The following SPIDR variants were observed in gnomAD, a reference collection of about 807,000 sequenced individuals.
SPIDR encodes the protein DNA repair-scaffolding protein.
In SPIDR, 93 loss-of-function variants were observed where a neutral mutation model predicts 104.6. The observed-to-expected ratio is 0.89, with a 90% CI of 0.75 to 1.06. SPIDR has a LOEUF of 1.06. Ranked by LOEUF, SPIDR falls within the 50% of genes least tolerant of loss-of-function variation. SPIDR has a pLI of 0.00. For synonymous variants in SPIDR, 431 were observed against 416.9 expected, an observed-to-expected ratio of 1.03 and a Z score of -0.41; for missense variants, 1,154 against 1,111.2, an observed-to-expected ratio of 1.04 and a Z score of -0.55.
intron 10 of SPIDR, among the ~76,000 whole-genome samples, chr8:47,671,585 A>AAAAT (rs60133278): frequency 0.39 from 56,293 of 142,532 alleles, 12,410 homozygotes; most frequent in Non-Finnish European, 0.49. Flanking sequence ...ACTCCATCTC[A>AAAAT]AAATAAATAA....
At chr8:47,283,192 C>G (rs2038157050) in intron 2 of SPIDR, among the ~76,000 whole-genome samples, 1 of 152,158 alleles carries the variant, frequency 6.6e-6, no homozygotes. Flanking sequence ...AGACATTCAG[C>G]TCTTCCTTTG....
chr8:47,462,543 T>C (rs2074115361), intron 8 of SPIDR, among the ~76,000 whole-genome samples: 1 of 152,158 alleles, frequency 6.6e-6, no homozygotes, highest in Admixed American at 6.5e-5. Context: ...GAAAACATAA[T>C]GTACTAAAAC....
At chr8:47,709,760 A>G (rs1359672715) in intron 14 of SPIDR, among the ~76,000 whole-genome samples, 1 of 152,204 alleles carries the variant, frequency 6.6e-6, no homozygotes, top group African/African-American at 2.4e-5. Flanking sequence ...ATATTAATAG[A>G]TTGAAAGAGA....
intron 10 of SPIDR, among the ~76,000 whole-genome samples, chr8:47,668,604 T>C (rs1480105463): frequency 6.6e-6 from 1 of 152,110 alleles, no homozygotes; most frequent in Non-Finnish European, 1.5e-5. Context: ...AGACTTTTTC[T>C]TTAAAGCTGG....
chr8:47,531,491 A>G (rs1004108795), intron 8 of SPIDR, among the ~76,000 whole-genome samples: 4 of 152,234 alleles, frequency 2.6e-5, no homozygotes, highest in African/African-American at 7.2e-5. Flanking sequence ...AGATTTGCTT[A>G]TAAGCAGAGA....
chr8:47,336,735 A>T (rs2049833998), intron 5 of SPIDR, among the ~76,000 whole-genome samples: 1 of 152,212 alleles, frequency 6.6e-6, no homozygotes, highest in Non-Finnish European at 1.5e-5. Context: ...GTATTAAAAA[A>T]CTGTGGGACT....
intron 8 of SPIDR, among the ~76,000 whole-genome samples, chr8:47,541,878 C>T (rs183792826): frequency 1.3e-5 from 2 of 152,190 alleles, no homozygotes; most frequent in East Asian, 3.9e-4. Context: ...CTGCAGTGAG[C>T]CGAGATTGCG....
chr8:47,522,491 A>G (rs1467602349), intron 8 of SPIDR, among the ~76,000 whole-genome samples: 1 of 152,184 alleles, frequency 6.6e-6, no homozygotes, highest in Admixed American at 6.5e-5. Flanking sequence ...GGAAATGGGA[A>G]GGGCCTGTGA....
At position 47,422,655 on chromosome 8, in the gene SPIDR, G is replaced by A. The variant is rs569105324; in HGVS notation, c.877+14694G>A. On this transcript the variant is annotated intron_variant, in intron 7 of 19. Transcript: ENST00000297423. ...TGACCATCCCCAGTGAGGTGAACCC[G>A]GTACCTCAGTTGGAAATGCAGAAAT... is the stretch of plus-strand genomic sequence containing the variant. 7.9e-5 allele frequency among the ~76,000 whole-genome samples: 12 copies of A among 152,280 alleles called. No homozygotes were observed. In the South Asian group the frequency reaches 1.9e-3, roughly 24 times the overall value.
intron 10 of SPIDR, among the ~76,000 whole-genome samples, chr8:47,603,720 T>G (rs1212926617): frequency 3.3e-5 from 5 of 152,150 alleles, no homozygotes; most frequent in South Asian, 2.1e-4. Flanking sequence ...CTCTGTCCTT[T>G]AGAGATGCAA....
intron 7 of SPIDR, among the ~76,000 whole-genome samples, chr8:47,438,717 C>T (rs1554694181): frequency 1.3e-5 from 2 of 149,422 alleles, no homozygotes; most frequent in Non-Finnish European, 2.9e-5. Flanking sequence ...AAATAGTTGT[C>T]CAAGACAGTG....
Position 47,712,875 on chromosome 8 carries a change from G to A in SPIDR, c.2188+3G>A, listed in dbSNP as rs746569942. The stretch of plus-strand genomic sequence containing the variant: ...CAAGGACGCTCTCCGTGACCAGGGT[G>A]TGCTTGCGTCTCCACAGCTTTGATG... On this transcript the variant is annotated splice_donor_region_variant and intron_variant, in intron 15 of 19. Coordinates refer to ENST00000297423, the MANE Select transcript of SPIDR (RefSeq NM_001080394.4). 1.2e-6 allele frequency: 2 copies of A among 1,613,912 alleles called. No individual in the cohort carries two copies. The highest frequency in any genetic ancestry group is 2.2e-5 in the East Asian group (1 of 44,888).
At chr8:47,688,543 G>C (rs567052783) in intron 11 of SPIDR, 4 of 152,348 alleles carry the variant, frequency 2.6e-5, no homozygotes, top group African/African-American at 9.6e-5. Flanking sequence ...AATAAACCTT[G>C]TAAGTTTCTT....
intron 8 of SPIDR, among the ~76,000 whole-genome samples, chr8:47,526,708 G>C (rs1271731515): frequency 6.6e-6 from 1 of 152,170 alleles, no homozygotes; most frequent in Non-Finnish European, 1.5e-5. Context: ...AGGTCAAAAT[G>C]AAGCAGTCCA....
Position 47,367,664 on chromosome 8 carries a change from A to G in SPIDR, c.526-28712A>G, listed in dbSNP as rs2035796. Among the ~76,000 whole-genome samples the G allele has an allele frequency of 3.1e-3, 465 of 152,308 alleles. 1 individual carries two copies. Among genetic ancestry groups the G allele is most frequent in the African/African-American group, 0.011 (454 of 41,560 alleles). On this transcript the variant is annotated intron_variant, in intron 5 of 19. Transcript: ENST00000297423. Reference sequence around the variant, plus strand: ...GGTAAGAAATTCTACCACTTAGCCCACATTGCCACCCTTCCCATGGCCAGC... The same window carrying G: ...GGTAAGAAATTCTACCACTTAGCCCGCATTGCCACCCTTCCCATGGCCAGC...
intron 9 of SPIDR, among the ~76,000 whole-genome samples, chr8:47,596,545 G>A (rs1344127186): frequency 2.6e-5 from 4 of 152,182 alleles, no homozygotes; most frequent in African/African-American, 4.8e-5. Flanking sequence ...AATGGAGCCC[G>A]TAGAACTGGA....
chr8:47,632,123 T>G (rs2067159894), intron 10 of SPIDR, among the ~76,000 whole-genome samples: 1 of 152,222 alleles, frequency 6.6e-6, no homozygotes, highest in African/African-American at 2.4e-5. Context: ...AGGAAGCATG[T>G]TCTTCACAAC....
At position 47,599,150 on chromosome 8, in the gene SPIDR, G is replaced by T; in HGVS notation, c.1498G>T (p.Gly500Cys). Residue 500 changes from glycine to cysteine, a missense_variant, in exon 10 of 20, where the codon GGT becomes TGT. By Grantham distance (159) the Gly-to-Cys change is radical (BLOSUM62 -3). Coordinates refer to ENST00000297423, the MANE Select transcript of SPIDR (RefSeq NM_001080394.4). ...TCTTCCCAGCAGAGACAGCACCAGGGGTCAGCAGGGGGCCAGCTCAGGACA... is the reference window on the plus strand; with the variant it reads ...TCTTCCCAGCAGAGACAGCACCAGGTGTCAGCAGGGGGCCAGCTCAGGACA... ...YSLPSRDSTR[G>C]QQGASSGHTD... 1 of 1,613,754 alleles carries T rather than the reference G, an allele frequency of 6.2e-7. No individual in the cohort carries two copies. Among genetic ancestry groups the T allele is most frequent in the Non-Finnish European group, 8.5e-7 (1 of 1,179,920 alleles).
chr8:47,616,653 C>T (rs1034595135), intron 10 of SPIDR, among the ~76,000 whole-genome samples: 4 of 152,118 alleles, frequency 2.6e-5, no homozygotes, highest in East Asian at 3.8e-4. Flanking sequence ...TAACATGCTT[C>T]TCATTTTAAA....
Sources: gnomAD v4.1 joint callset for allele counts (sites outside exome capture counted in the v4.1 genomes callset) on GRCh38, gnomAD v4.1.1 for gene constraint, MANE v1.5 for transcripts, NCBI Gene and HGNC (gene_info 2026-07-23, HGNC 2026-07-21) for gene names.